GOLM2: variants seen among roughly 807,000 people sequenced by gnomAD.
The protein encoded by GOLM2 is golgi membrane protein 2.
Under a neutral mutation model 55.9 loss-of-function variants are expected in GOLM2, and 26 were observed. That is an observed-to-expected ratio of 0.47 (90% CI 0.34 to 0.65). GOLM2 has a LOEUF of 0.65. Ranked by LOEUF, GOLM2 falls within the 30% of genes least tolerant of loss-of-function variation. GOLM2 has a pLI of 0.01. For missense variants in GOLM2, 486 were observed against 531.8 expected (o/e 0.91, Z 0.85); for synonymous variants, 165 against 194.6 (o/e 0.85, Z 1.27).
At chr15:44,316,537 C>T (rs2078911054) in intron 1 of GOLM2, among the ~76,000 whole-genome samples, 1 of 151,958 alleles carries the variant, frequency 6.6e-6, no homozygotes, top group South Asian at 2.1e-4. Flanking sequence ...AGCCAAATCA[C>T]GAGGTCAGGA....
chr15:44,411,090 C>T (rs2079635975), intron 9 of GOLM2, among the ~76,000 whole-genome samples: 2 of 127,670 alleles, frequency 1.6e-5, no homozygotes, highest in Admixed American at 9.9e-5. Flanking sequence ...GGTGTGATCT[C>T]TGCTTACTGC....
At position 44,369,070 on chromosome 15, in the gene GOLM2, TA is replaced by T. The variant is rs1567037151; in HGVS notation, c.803-10619del. ...TATATACATATAATAGGATATATTA[TA>T]TATATATATATATATATATATATAT... On this transcript the variant is annotated intron_variant, in intron 6 of 9. Coordinates refer to ENST00000299957, the MANE Select transcript of GOLM2 (RefSeq NM_138423.4). 2.8e-3 allele frequency among the ~76,000 whole-genome samples: 48 copies of T among 16,952 alleles called. 2 individuals are homozygous for T. Among genetic ancestry groups the T allele is most frequent in the Middle Eastern group, 0.018 (1 of 56 alleles). 11.1% of individuals were successfully genotyped at this position (16,952 alleles called of 152,430 possible). A position where few individuals can be genotyped will look rare whatever the true frequency, so the allele number is the denominator to read the frequency against.
chr15:44,338,140 C>A, intron 5 of GOLM2, 97 bp from the exon 6 acceptor site: 1 of 1,162,910 alleles, frequency 8.6e-7, no homozygotes, highest in Non-Finnish European at 1.3e-6. Context: ...GTTGATGTAG[C>A]CTATTACTTT....
intron 6 of GOLM2, among the ~76,000 whole-genome samples, chr15:44,363,839 T>G (rs907047241): frequency 6.6e-6 from 1 of 151,932 alleles, no homozygotes; most frequent in African/African-American, 2.4e-5. Flanking sequence ...GTGGCACATA[T>G]ACACCATGGA....
At chr15:44,387,811 G>A (rs2079457204) in intron 8 of GOLM2, among the ~76,000 whole-genome samples, 1 of 150,820 alleles carries the variant, frequency 6.6e-6, no homozygotes, top group Non-Finnish European at 1.5e-5. Context: ...TGTTGATCTT[G>A]TATCATGCAG....
At chr15:44,324,160 G>T (rs1301255447) in intron 2 of GOLM2, among the ~76,000 whole-genome samples, 2 of 152,116 alleles carry the variant, frequency 1.3e-5, no homozygotes, top group African/African-American at 4.8e-5. Context: ...TAAATGTTAA[G>T]AAATACTATT....
At chr15:44,364,116 C>T (rs988397644) in intron 6 of GOLM2, among the ~76,000 whole-genome samples, 4 of 152,080 alleles carry the variant, frequency 2.6e-5, no homozygotes, top group South Asian at 2.1e-4. Context: ...GTGGGTGCCG[C>T]GCACCAGCAT....
chr15:44,408,748 G>A (rs974075248), intron 9 of GOLM2, among the ~76,000 whole-genome samples: 5 of 152,144 alleles, frequency 3.3e-5, no homozygotes, highest in South Asian at 2.1e-4. Flanking sequence ...GGAGGCCAAG[G>A]AGGGCAGATC....
At chr15:44,410,438 T>C (rs1026680459) in intron 9 of GOLM2, among the ~76,000 whole-genome samples, 5 of 151,812 alleles carry the variant, frequency 3.3e-5, no homozygotes, top group African/African-American at 1.2e-4. Context: ...CTCAAAAATA[T>C]ATACATAATT....
At chr15:44,373,495 C>T (rs1205893204) in intron 6 of GOLM2, among the ~76,000 whole-genome samples, 1 of 150,218 alleles carries the variant, frequency 6.7e-6, no homozygotes, top group Non-Finnish European at 1.5e-5. Flanking sequence ...GTGGCTCGCA[C>T]CTGTAATCCC....
chr15:44,395,596 C>G (rs936601696), intron 8 of GOLM2, among the ~76,000 whole-genome samples: 2 of 151,720 alleles, frequency 1.3e-5, no homozygotes, highest in African/African-American at 4.8e-5. Flanking sequence ...AATTCTAGCA[C>G]TTTGGGAGGC....
chr15:44,347,519 C>T (rs1397437757), intron 6 of GOLM2, among the ~76,000 whole-genome samples: 1 of 152,194 alleles, frequency 6.6e-6, no homozygotes, highest in Non-Finnish European at 1.5e-5. Context: ...TAACCCTAGT[C>T]AGAGGGGAAA....
intron 6 of GOLM2, among the ~76,000 whole-genome samples, chr15:44,357,016 A>C (rs1398912304): frequency 6.6e-6 from 1 of 152,054 alleles, no homozygotes; most frequent in East Asian, 1.9e-4. Context: ...ATAAAAAAAT[A>C]CAAAAACTAG....
rs768065943 is a variant in GOLM2 at position 44,335,810 on chromosome 15, C to CTT, written c.577-1934_577-1933dup. Among the ~76,000 whole-genome samples, 750 of 122,192 alleles carry CTT rather than the reference C, an allele frequency of 6.1e-3. 7 individuals carry two copies. The highest frequency in any genetic ancestry group is 0.02 in the African/African-American group (665 of 32,860). 80.2% of individuals were successfully genotyped at this position (122,192 alleles called of 152,430 possible). A position where few individuals can be genotyped will look rare whatever the true frequency, so the allele number is the denominator to read the frequency against. On this transcript the variant is annotated intron_variant, in intron 4 of 9. Transcript: ENST00000299957. ...TAGTTTTGTGACTTTGGACAAACTG[C>CTT]TTTTTTTTTTTTTTTTTTTTCTGAG...
chr15:44,373,626 C>T (rs2079345000), intron 6 of GOLM2, among the ~76,000 whole-genome samples: 1 of 151,532 alleles, frequency 6.6e-6, no homozygotes, highest in Non-Finnish European at 1.5e-5. Context: ...CGGTGGCGGG[C>T]GCCTGTAATT....
chr15:44,336,655 G>T (rs970897296), intron 4 of GOLM2, among the ~76,000 whole-genome samples: 3 of 151,762 alleles, frequency 2.0e-5, no homozygotes, highest in African/African-American at 7.3e-5. Context: ...GGTGGCTCAC[G>T]CCTGTAATCC....
rs749618235 is a variant in GOLM2 at position 44,289,210 on chromosome 15, G to A, written c.181G>A (p.Gly61Arg). 1 of 1,614,166 alleles carries A rather than the reference G, an allele frequency of 6.2e-7. No individual in the cohort carries two copies. The highest frequency in any genetic ancestry group is 8.5e-7 in the Non-Finnish European group (1 of 1,180,022). Residue 61 changes from glycine to arginine, a missense_variant, in exon 1 of 10, where the codon GGG becomes AGG. By Grantham distance (125) the Gly-to-Arg change is moderately radical. Transcript: ENST00000299957. The surrounding 1 kb of genome is among the most constrained non-coding windows in gnomAD (Gnocchi z 4.8). ...GQVQRTEVAR[G>R]RLEKRNSDLL... Reference sequence around the variant, plus strand: ...GGTCCAGCGCACCGAAGTGGCCCGCGGGCGGCTGGAAAAGCGCAATTCGGA... The same window carrying A: ...GGTCCAGCGCACCGAAGTGGCCCGCAGGCGGCTGGAAAAGCGCAATTCGGA...
chr15:44,408,203 A>C (rs2079610836), intron 9 of GOLM2, among the ~76,000 whole-genome samples: 1 of 152,242 alleles, frequency 6.6e-6, no homozygotes, highest in Non-Finnish European at 1.5e-5. Flanking sequence ...AAAAGGAACT[A>C]AAATATTAGT....
chr15:44,357,400 T>G (rs1488416031), intron 6 of GOLM2, among the ~76,000 whole-genome samples: 2 of 152,162 alleles, frequency 1.3e-5, no homozygotes, highest in African/African-American at 4.8e-5. Flanking sequence ...AGGGAAACTT[T>G]CTCAACTTGA....
Sources: allele counts gnomAD v4.1 joint callset (sites outside exome capture counted in the v4.1 genomes callset), GRCh38; gene constraint gnomAD v4.1.1; non-coding constraint Gnocchi (gnomAD v3.1); transcripts MANE v1.5; gene names NCBI Gene and HGNC (gene_info 2026-07-23, HGNC 2026-07-21).